Variants in DCAF17 observed in about 807,000 individuals in gnomAD.
The protein encoded by DCAF17 is DDB1- and CUL4-associated factor 17.
A neutral mutation model predicts 66.0 loss-of-function variants in DCAF17; 48 were observed. The ratio of observed to expected loss-of-function variants is 0.73; its 90% confidence interval spans 0.58 to 0.92. The LOEUF is 0.92. Ranked by LOEUF, DCAF17 falls within the 40% of genes least tolerant of loss-of-function variation. The probability of loss-of-function intolerance (pLI) is 0.00; values close to 1 mark genes in which losing one functional copy is unlikely to be tolerated. For missense variants in DCAF17, 562 were observed against 622.8 expected (o/e 0.90, Z 1.04); for synonymous variants, 206 against 214.6 (o/e 0.96, Z 0.35).
rs1696820990 is a variant in DCAF17 at position 171,483,333 on chromosome 2, G to T, written c.*2219G>T. 2.2e-6 allele frequency: 1 copy of T among 454,028 alleles called. No individual in the cohort carries two copies. Among genetic ancestry groups the T allele is most frequent in the Non-Finnish European group, 4.4e-6 (1 of 226,788 alleles). 28.1% of individuals were successfully genotyped at this position (454,028 alleles called of 1,614,324 possible). On this transcript the variant is annotated 3_prime_UTR_variant, in exon 14 of 14. Transcript: ENST00000375255. ...CTAGTGACAGGTACAAAACATTATG[G>T]GTAACAATTCTGAGTGTTTAATGCA...
At position 171,483,547 on chromosome 2, in the gene DCAF17, T is replaced by C. The variant is rs1278078737; in HGVS notation, c.*2433T>C. 3 of 454,146 alleles carry C rather than the reference T, an allele frequency of 6.6e-6. No homozygotes were observed. The highest frequency in any genetic ancestry group is 1.3e-5 in the Non-Finnish European group (3 of 226,790). The allele number at this position is 454,146 out of a possible 1,614,324, so 28.1% of individuals were successfully genotyped here. ...GGAGAAAACAAAACAAATCCTATCC[T>C]ATTTACTATTTGTGCTACCTAGTGA... On this transcript the variant is annotated 3_prime_UTR_variant, in exon 14 of 14. Coordinates refer to ENST00000375255, the MANE Select transcript of DCAF17 (RefSeq NM_025000.4).
At position 171,482,606 on chromosome 2, in the gene DCAF17, TCATTCTC is replaced by T. The variant is rs1255132039; in HGVS notation, c.*1497_*1503del. ...GCAATGCTGTGTAAAAGTAGAGTGT[TCATTCTC>T]CATTTCCAAGAGTGTTTCAGAATAG... is the stretch of plus-strand genomic sequence containing the variant. On this transcript the variant is annotated 3_prime_UTR_variant, in exon 14 of 14. Transcript: ENST00000375255. 1 of 453,958 alleles carries T rather than the reference TCATTCTC, an allele frequency of 2.2e-6. No individual in the cohort carries two copies. Among genetic ancestry groups the T allele is most frequent in the African/African-American group, 2.0e-5 (1 of 49,996 alleles). 28.1% of individuals were successfully genotyped at this position (453,958 alleles called of 1,614,324 possible).
At chr2:171,449,083 A>G (rs1013607634) in intron 4 of DCAF17, among the ~76,000 whole-genome samples, 2 of 151,354 alleles carry the variant, frequency 1.3e-5, no homozygotes, top group Admixed American at 6.6e-5. Flanking sequence ...ATCTCTGCTT[A>G]CTGCAACCTC....
At chr2:171,446,743 AAG>A (rs1473629754) in intron 3 of DCAF17, among the ~76,000 whole-genome samples, 3 of 152,172 alleles carry the variant, frequency 2.0e-5, no homozygotes, top group Non-Finnish European at 4.4e-5. Flanking sequence ...ATGAGAACAT[AAG>A]ATTTTTAAAA....
At chr2:171,436,663 A>T (rs1693982083) in intron 2 of DCAF17, among the ~76,000 whole-genome samples, 1 of 150,032 alleles carries the variant, frequency 6.7e-6, no homozygotes, top group South Asian at 2.1e-4. Flanking sequence ...AAAAATCCTT[A>T]CATATTTTAG....
intron 8 of DCAF17, among the ~76,000 whole-genome samples, chr2:171,467,656 G>T (rs1695987145): frequency 6.7e-6 from 1 of 149,898 alleles, no homozygotes; most frequent in Admixed American, 6.7e-5. Context: ...CTTGAACCCA[G>T]GAGGTGAAGG....
chr2:171,468,607 C>T (rs560929511), intron 8 of DCAF17, among the ~76,000 whole-genome samples: 1 of 152,250 alleles, frequency 6.6e-6, no homozygotes, highest in African/African-American at 2.4e-5. Flanking sequence ...ATCATAAACA[C>T]CTTTAGCCCA....
chr2:171,460,322 CAAA>C (rs770720263), intron 8 of DCAF17, among the ~76,000 whole-genome samples: 32 of 76,940 alleles, frequency 4.2e-4, no homozygotes, highest in African/African-American at 1.2e-3. Flanking sequence ...GATTCCATCT[CAAA>C]AAAAAAAAAA....
At chr2:171,464,766 C>T (rs1272652498) in intron 8 of DCAF17, among the ~76,000 whole-genome samples, 2 of 152,122 alleles carry the variant, frequency 1.3e-5, no homozygotes, top group Non-Finnish European at 2.9e-5. Context: ...TTTCATACTT[C>T]CAAATTTAGC....
In DCAF17 at chr2:171,458,095, G is replaced by A. The variant is rs765494093; in HGVS notation, c.732+20G>A. The A allele has an allele frequency of 1.5e-5, 24 of 1,597,404 alleles. No homozygotes were observed. In the East Asian group the frequency reaches 4.7e-4, roughly 31 times the overall value. Reference sequence around the variant, plus strand: ...GAACAGGTAGAGAAAACTGAAATTTGTCATGTTACTATTAGCATGAGTTTT... The same window carrying A: ...GAACAGGTAGAGAAAACTGAAATTTATCATGTTACTATTAGCATGAGTTTT... On this transcript the variant is annotated intron_variant, in intron 7 of 13. Coordinates refer to ENST00000375255, the MANE Select transcript of DCAF17 (RefSeq NM_025000.4).
intron 10 of DCAF17, chr2:171,474,182 G>A (rs1486639957): frequency 1.2e-5 from 7 of 572,784 alleles, no homozygotes; most frequent in Admixed American, 2.9e-5. Context: ...ATTTGAAAAC[G>A]TTATTTGATG....
chr2:171,471,021 C>A (rs1696216730), intron 9 of DCAF17, among the ~76,000 whole-genome samples: 1 of 152,198 alleles, frequency 6.6e-6, no homozygotes, highest in African/African-American at 2.4e-5. Flanking sequence ...TGGAAGCAAT[C>A]CCCTGTGGTT....
At chr2:171,451,018 G>A (rs1285506551) in intron 5 of DCAF17, among the ~76,000 whole-genome samples, 1 of 150,972 alleles carries the variant, frequency 6.6e-6, no homozygotes, top group African/African-American at 2.4e-5. Context: ...ACTGGCAGGT[G>A]AAGTTTATAT....
At position 171,483,133 on chromosome 2, in the gene DCAF17, G is replaced by A. The variant is rs1226050897; in HGVS notation, c.*2019G>A. On this transcript the variant is annotated 3_prime_UTR_variant, in exon 14 of 14. Coordinates refer to ENST00000375255, the MANE Select transcript of DCAF17 (RefSeq NM_025000.4). ...GATAGCAAAGAATGTGGGGAATTTG[G>A]ATACCACACATAGCGAGAGACAATG... is the stretch of plus-strand genomic sequence containing the variant. The A allele has an allele frequency of 2.2e-6, 1 of 453,978 alleles. No homozygotes were observed. Among genetic ancestry groups the A allele is most frequent in the South Asian group, 1.6e-5 (1 of 64,478 alleles). 28.1% of individuals were successfully genotyped at this position (453,978 alleles called of 1,614,324 possible). A position where few individuals can be genotyped will look rare whatever the true frequency, so the allele number is the denominator to read the frequency against.
chr2:171,479,808 G>A (rs1358656716), intron 12 of DCAF17: 14 of 478,924 alleles, frequency 2.9e-5, no homozygotes, highest in Non-Finnish European at 4.2e-5. Flanking sequence ...CATAGACTTG[G>A]TTTTGTTTAT....
rs1696828096 is a variant in DCAF17 at position 171,483,489 on chromosome 2, C to A, written c.*2375C>A. The A allele has an allele frequency of 2.2e-6, 1 of 453,904 alleles. No individual in the cohort carries two copies. Among genetic ancestry groups the A allele is most frequent in the East Asian group, 6.9e-5 (1 of 14,400 alleles). 28.1% of individuals were successfully genotyped at this position (453,904 alleles called of 1,614,324 possible). On this transcript the variant is annotated 3_prime_UTR_variant, in exon 14 of 14. Transcript: ENST00000375255. ...GCATCAATGCAGCAAGCTTATTGTT[C>A]CTCAATTTTTTACAATATTTATCAC...
chr2:171,443,348 T>C lies in DCAF17; in HGVS notation c.231-175T>C, dbSNP rs898255939. On this transcript the variant is annotated intron_variant, in intron 2 of 13. Transcript: ENST00000375255. Reference sequence around the variant, plus strand: ...GGTATTGTAAACTATTTTAATCTTGTTTTTTTTTATATGAATTATGTGATC... The same window carrying C: ...GGTATTGTAAACTATTTTAATCTTGCTTTTTTTTATATGAATTATGTGATC... 9.8e-6 allele frequency: 5 copies of C among 511,044 alleles called. No individual in the cohort carries two copies. The East Asian group carries it at 1.7e-4, about 17-fold the overall frequency. The allele number at this position is 511,044 out of a possible 1,614,324, so 31.7% of individuals were successfully genotyped here.
At chr2:171,468,850 A>C in intron 8 of DCAF17, 38 bp from the exon 9 acceptor site, 1 of 1,613,998 alleles carries the variant, frequency 6.2e-7, no homozygotes. Context: ...AGCCCCCAGA[A>C]CAGTGCAGCT....
rs111737117 is a variant in DCAF17 at position 171,463,220 on chromosome 2, ATT to A, written c.838+4746_838+4747del. ...ACTCCAGCCTGGGCGATGGAGCGAGATTTTAAAAAAAAAAAAAAAACAGAAAG... is the reference window on the plus strand; with the variant it reads ...ACTCCAGCCTGGGCGATGGAGCGAGATTAAAAAAAAAAAAAAAACAGAAAG... On this transcript the variant is annotated intron_variant, in intron 8 of 13. Coordinates refer to ENST00000375255, the MANE Select transcript of DCAF17 (RefSeq NM_025000.4). 8.9e-3 allele frequency among the ~76,000 whole-genome samples: 1,117 copies of A among 125,334 alleles called. 16 individuals are homozygous for A. Among genetic ancestry groups the A allele is most frequent in the African/African-American group, 0.023 (826 of 35,594 alleles). 82.2% of individuals were successfully genotyped at this position (125,334 alleles called of 152,430 possible). A position where few individuals can be genotyped will look rare whatever the true frequency, so the allele number is the denominator to read the frequency against.
Sources: allele counts gnomAD v4.1 joint callset (sites outside exome capture counted in the v4.1 genomes callset), GRCh38; gene constraint gnomAD v4.1.1; transcripts MANE v1.5; gene names NCBI Gene and HGNC (gene_info 2026-07-23, HGNC 2026-07-21).